SAMD12: variants seen among roughly 807,000 people sequenced by gnomAD.
The protein encoded by SAMD12 is sterile alpha motif domain containing 12.
In SAMD12, 9 loss-of-function variants were observed where a neutral mutation model predicts 15.0. The ratio of observed to expected loss-of-function variants is 0.60; its 90% confidence interval spans 0.36 to 1.05. The LOEUF is 1.05. Among genes scored for constraint, SAMD12 ranks in the 50% least tolerant of loss-of-function variants. SAMD12 has a pLI of 0.01. For missense variants in SAMD12, 230 were observed against 234.2 expected, an observed-to-expected ratio of 0.98 and a Z score of 0.12; for synonymous variants, 86 against 90.1, an observed-to-expected ratio of 0.96 and a Z score of 0.25.
chr8:118,252,958 T>G (rs1260102890), intron 4 of SAMD12, among the ~76,000 whole-genome samples: 2 of 152,136 alleles, frequency 1.3e-5, no homozygotes, highest in Non-Finnish European at 2.9e-5. Flanking sequence ...GAGTGGAGTG[T>G]GGTACCACTG....
At chr8:118,307,742 G>A (rs1191160719) in intron 4 of SAMD12, among the ~76,000 whole-genome samples, 4 of 152,142 alleles carry the variant, frequency 2.6e-5, no homozygotes, top group Non-Finnish European at 5.9e-5. Flanking sequence ...TTATTCCTCT[G>A]TACAGTTTGG....
the SAMD12 span, among the ~76,000 whole-genome samples, chr8:118,178,292 AAAG>A: frequency 6.6e-6 from 1 of 152,192 alleles, no homozygotes; most frequent in East Asian, 1.9e-4. Flanking sequence ...TTGCAAAGGA[AAAG>A]AAGCTTAAAG....
intron 2 of SAMD12, among the ~76,000 whole-genome samples, chr8:118,511,669 T>C: frequency 6.6e-6 from 1 of 152,166 alleles, no homozygotes; most frequent in Non-Finnish European, 1.5e-5. Context: ...CCATTAAAAA[T>C]ATTTCTCAAC....
At chr8:118,578,084 C>A (rs1827195901) in intron 2 of SAMD12, among the ~76,000 whole-genome samples, 1 of 152,172 alleles carries the variant, frequency 6.6e-6, no homozygotes, top group African/African-American at 2.4e-5. Context: ...TGCTCTTATA[C>A]AGAGACAGAC....
chr8:118,241,260 A>G (rs1812556413), intron 4 of SAMD12, among the ~76,000 whole-genome samples: 1 of 152,032 alleles, frequency 6.6e-6, no homozygotes, highest in Non-Finnish European at 1.5e-5. Context: ...GGTTCATTCT[A>G]TCTGTGTAAT....
At chr8:118,559,053 A>C (rs1311688685) in intron 2 of SAMD12, among the ~76,000 whole-genome samples, 1 of 152,186 alleles carries the variant, frequency 6.6e-6, no homozygotes, top group East Asian at 1.9e-4. Context: ...TGATTCTATA[A>C]TATCTCAAAA....
chr8:118,301,537 G>A (rs1373192292), intron 4 of SAMD12, among the ~76,000 whole-genome samples: 1 of 152,176 alleles, frequency 6.6e-6, no homozygotes, highest in Non-Finnish European at 1.5e-5. Flanking sequence ...AAAGCTGGAG[G>A]ACTAGATTCA....
chr8:118,393,913 A>G (rs1396154681), intron 3 of SAMD12, among the ~76,000 whole-genome samples: 1 of 152,048 alleles, frequency 6.6e-6, no homozygotes, highest in Non-Finnish European at 1.5e-5. Flanking sequence ...CATGCATTTG[A>G]TCTGAAAGGA....
At chr8:118,537,881 G>T (rs1319514413) in intron 2 of SAMD12, among the ~76,000 whole-genome samples, 3 of 152,178 alleles carry the variant, frequency 2.0e-5, no homozygotes, top group Admixed American at 2.0e-4. Context: ...GGGCATTGAA[G>T]AATTATGTCT....
the SAMD12 span, among the ~76,000 whole-genome samples, chr8:118,175,079 A>G: frequency 2.0e-5 from 3 of 152,224 alleles, no homozygotes; most frequent in Non-Finnish European, 4.4e-5. Context: ...GGGAGGCATC[A>G]TATTACCTGA....
chr8:118,381,309 C>A (rs1430794869), intron 3 of SAMD12, among the ~76,000 whole-genome samples: 1 of 152,172 alleles, frequency 6.6e-6, no homozygotes, highest in East Asian at 1.9e-4. Context: ...GGCTTGGAAA[C>A]ACCAGGCAGA....
intron 4 of SAMD12, among the ~76,000 whole-genome samples, chr8:118,354,285 C>A (rs569951588): frequency 6.8e-4 from 104 of 152,274 alleles, no homozygotes; most frequent in Non-Finnish European, 1.3e-3. Flanking sequence ...TAGTAAAATA[C>A]AACAAACATG....
the SAMD12 span, among the ~76,000 whole-genome samples, chr8:118,169,941 C>T: frequency 1.3e-5 from 2 of 152,108 alleles, 1 homozygote; most frequent in African/African-American, 4.8e-5. Flanking sequence ...GAAAATTTTG[C>T]ATGAATTTAA....
rs367685612 is a variant in SAMD12 at position 118,427,379 on chromosome 8, T to C, written c.322+12453A>G. Among the ~76,000 whole-genome samples the C allele has an allele frequency of 6.7e-4, 102 of 152,286 alleles. No individual in the cohort carries two copies. In the Middle Eastern group the frequency reaches 0.024, roughly 36 times the overall value. ...CTTACATACAATAAATCCCACATATTTGAAATATCAAGTAGATGATGTTTG... is the reference window on the plus strand; with the variant it reads ...CTTACATACAATAAATCCCACATATCTGAAATATCAAGTAGATGATGTTTG... On this transcript the variant is annotated intron_variant, in intron 3 of 3. Transcript: ENST00000314727.
At chr8:118,436,949 C>T (rs574919550) in intron 3 of SAMD12, among the ~76,000 whole-genome samples, 2 of 152,184 alleles carry the variant, frequency 1.3e-5, no homozygotes, top group African/African-American at 2.4e-5. Flanking sequence ...CACCCAGCAA[C>T]CTTTACAAAA....
chr8:118,487,359 A>C (rs1824319428), intron 2 of SAMD12, among the ~76,000 whole-genome samples: 2 of 152,332 alleles, frequency 1.3e-5, no homozygotes, highest in Admixed American at 1.3e-4. Context: ...TTAATGAATA[A>C]GCAAAGACCA....
At chr8:118,234,942 C>T (rs1256520071) in intron 4 of SAMD12, among the ~76,000 whole-genome samples, 2 of 152,050 alleles carry the variant, frequency 1.3e-5, no homozygotes, top group Non-Finnish European at 2.9e-5. Flanking sequence ...CTTTTTCTTA[C>T]ATAAATACTC....
intron 3 of SAMD12, among the ~76,000 whole-genome samples, chr8:118,387,550 T>C (rs990341751): frequency 1.9e-4 from 29 of 152,190 alleles, no homozygotes; most frequent in African/African-American, 6.8e-4. Context: ...TTTACATAGA[T>C]TATGTCATTG....
At chr8:118,430,642 G>A (rs957182888) in intron 3 of SAMD12, among the ~76,000 whole-genome samples, 2 of 152,270 alleles carry the variant, frequency 1.3e-5, no homozygotes, top group African/African-American at 4.8e-5. Flanking sequence ...TTACAGGCAT[G>A]AGCCACCACG....
Sources: allele counts gnomAD v4.1 joint callset (sites outside exome capture counted in the v4.1 genomes callset), GRCh38; gene constraint gnomAD v4.1.1; transcripts MANE v1.5; gene names NCBI Gene and HGNC (gene_info 2026-07-23, HGNC 2026-07-21).